The following CRYBA4 variants were observed in gnomAD, a reference collection of about 807,000 sequenced individuals.
CRYBA4 encodes beta-crystallin A4.
In CRYBA4, 30 loss-of-function variants were observed where a neutral mutation model predicts 31.7. The ratio of observed to expected loss-of-function variants is 0.95; its 90% CI spans 0.71 to 1.28. CRYBA4 has a LOEUF of 1.28. Among genes scored for constraint, CRYBA4 ranks in the 50% most tolerant of loss-of-function variants. The pLI, the probability that CRYBA4 is intolerant of heterozygous loss-of-function variation, is 0.00. For missense variants in CRYBA4, 225 were observed against 260.7 expected (o/e 0.86, Z 0.94); for synonymous variants, 102 against 102.3 (o/e 1.00, Z 0.02).
chr22:26,608,065 TA>T, the CRYBA4 span: 17 of 1,613,580 alleles, frequency 1.1e-5, no homozygotes. Flanking sequence ...GACATATGGT[TA>T]GTAGAAGCCC....
the CRYBA4 span, chr22:26,616,283 C>T: frequency 3.2e-5 from 52 of 1,613,880 alleles, no homozygotes; most frequent in South Asian, 5.5e-4. Flanking sequence ...TTCACCGCCA[C>T]TGTGGCCGAG....
At chr22:26,619,683 G>T (rs1929470543), upstream of CRYBA4, among the ~76,000 whole-genome samples, 1 of 152,190 alleles carries the variant, frequency 6.6e-6, no homozygotes, top group African/African-American at 2.4e-5. Context: ...CTTTCATCCT[G>T]GGCCAAGACT....
At chr22:26,612,343 A>G in the CRYBA4 span, among the ~76,000 whole-genome samples, 1 of 151,928 alleles carries the variant, frequency 6.6e-6, no homozygotes, top group Non-Finnish European at 1.5e-5. Context: ...CCATCCCCCA[A>G]TTCTTTACTG....
chr22:26,601,649 A>G, the CRYBA4 span, among the ~76,000 whole-genome samples: 2 of 150,768 alleles, frequency 1.3e-5, no homozygotes, highest in African/African-American at 2.5e-5. Context: ...TCCATCTAAC[A>G]GCTTTTTAGA....
chr22:26,594,531 C>T, the CRYBA4 span, among the ~76,000 whole-genome samples: 2 of 152,150 alleles, frequency 1.3e-5, no homozygotes, highest in Non-Finnish European at 2.9e-5. Context: ...TGGGATCTAT[C>T]TAGCTTTGAA....
At chr22:26,623,477 A>G in intron 3 of CRYBA4, 125 bp downstream of exon 3, 4 of 733,820 alleles carry the variant, frequency 5.5e-6, no homozygotes, top group South Asian at 1.6e-5. Context: ...GCCCTCCTGA[A>G]GTACTGAGGA....
intron 3 of CRYBA4, among the ~76,000 whole-genome samples, chr22:26,623,792 AAAG>A (rs1375046658): frequency 6.6e-6 from 1 of 152,222 alleles, no homozygotes; most frequent in Non-Finnish European, 1.5e-5. Flanking sequence ...AAAAAACAAA[AAAG>A]AGAGTGAGAG....
At position 26,630,393 on chromosome 22, in the gene CRYBA4, G is replaced by A; in HGVS notation, c.497G>A (p.Cys166Tyr). 6.2e-7 allele frequency: 1 copy of A among 1,614,234 alleles called. No individual in the cohort carries two copies. Among genetic ancestry groups the A allele is most frequent in the Non-Finnish European group, 8.5e-7 (1 of 1,180,038 alleles). The stretch of plus-strand genomic sequence containing the variant: ...CGAGGATTTCAGTATGTGCTGGAAT[G>A]CGATCACCATTCCGGTGACTACAAA... The part of the protein sequence containing the change: ...GYRGFQYVLE[C>Y]DHHSGDYKHF... The change falls in exon 6 of 6, where the codon TGC becomes TAC. Residue 166 changes from cysteine to tyrosine, a missense_variant. Coordinates refer to ENST00000354760, the MANE Select transcript of CRYBA4 (RefSeq NM_001886.3).
chr22:26,630,278 C>T, intron 5 of CRYBA4, 62 bp from the exon 6 acceptor site: 2 of 1,606,980 alleles, frequency 1.2e-6, no homozygotes, highest in South Asian at 1.1e-5. Flanking sequence ...TCCCTTTGCC[C>T]CTGTGTTGAT....
the CRYBA4 span, among the ~76,000 whole-genome samples, chr22:26,610,065 A>G: frequency 6.6e-6 from 1 of 152,020 alleles, no homozygotes; most frequent in Non-Finnish European, 1.5e-5. Context: ...AAGTCCCCCT[A>G]AAATCTCCCC....
chr22:26,602,986 G>A, the CRYBA4 span, among the ~76,000 whole-genome samples: 22 of 151,826 alleles, frequency 1.4e-4, no homozygotes, highest in Non-Finnish European at 2.4e-4. Context: ...TTAGCCGGGC[G>A]TGGTGGTGGG....
intron 4 of CRYBA4, among the ~76,000 whole-genome samples, chr22:26,627,396 C>CT (rs1419694217): frequency 2.6e-5 from 2 of 77,406 alleles, no homozygotes; most frequent in African/African-American, 7.0e-5. Context: ...TTCTTTCTTT[C>CT]TTTCTTTCTT....
chr22:26,630,512 CA>C lies in CRYBA4; in HGVS notation c.*26del, dbSNP rs1292794945. On this transcript the variant is annotated 3_prime_UTR_variant, in exon 6 of 6. Coordinates refer to ENST00000354760, the MANE Select transcript of CRYBA4 (RefSeq NM_001886.3). ...AACAGGGGTGCGGCACGGAGGAGCG[CA>C]TGCGTGCTTATCTGCAATGGAGGCG... 3.7e-6 allele frequency: 6 copies of C among 1,604,940 alleles called. No individual in the cohort carries two copies. Among genetic ancestry groups the C allele is most frequent in the Non-Finnish European group, 4.3e-6 (5 of 1,176,200 alleles).
chr22:26,612,367 G>A, the CRYBA4 span, among the ~76,000 whole-genome samples: 3 of 152,072 alleles, frequency 2.0e-5, no homozygotes, highest in Non-Finnish European at 4.4e-5. Flanking sequence ...TTTGTTTTTT[G>A]TTTGTTTGTT....
the CRYBA4 span, among the ~76,000 whole-genome samples, chr22:26,610,172 G>A: frequency 0.14 from 21,674 of 152,110 alleles, 2,035 homozygotes; most frequent in South Asian, 0.31. Flanking sequence ...CGCAAGCAGG[G>A]AGAGAGGGTA....
chr22:26,593,704 G>A, the CRYBA4 span, among the ~76,000 whole-genome samples: 2,421 of 151,788 alleles, frequency 0.016, 67 homozygotes, highest in African/African-American at 0.056. Context: ...TTTTGTATTT[G>A]GAGTAGAGAT....
chr22:26,603,710 C>T, the CRYBA4 span, among the ~76,000 whole-genome samples: 1 of 151,870 alleles, frequency 6.6e-6, no homozygotes, highest in African/African-American at 2.4e-5. Context: ...TCGAGACCAG[C>T]CTGACTAACA....
the CRYBA4 span, among the ~76,000 whole-genome samples, chr22:26,602,572 C>T: frequency 1.4e-5 from 2 of 148,140 alleles, no homozygotes; most frequent in Non-Finnish European, 3.0e-5. Context: ...GCCTGGGTGA[C>T]AGAGCAAGAC....
the CRYBA4 span, among the ~76,000 whole-genome samples, chr22:26,603,527 C>G: frequency 6.6e-6 from 1 of 151,572 alleles, no homozygotes; most frequent in African/African-American, 2.4e-5. Flanking sequence ...AAGACTGTCT[C>G]AAACAACAAC....
Sources: allele counts gnomAD v4.1 joint callset (sites outside exome capture counted in the v4.1 genomes callset), GRCh38; gene constraint gnomAD v4.1.1; transcripts MANE v1.5; gene names NCBI Gene and HGNC (gene_info 2026-07-23, HGNC 2026-07-21).